The following BLTP1 variants were observed in gnomAD, a reference collection of about 807,000 sequenced individuals.
BLTP1 encodes fragile site-associated protein.
At chr4:122,197,759 AAAATGTT>A in the BLTP1 span, among the ~76,000 whole-genome samples, 2 of 152,270 alleles carry the variant, frequency 1.3e-5, 1 homozygote, top group South Asian at 4.1e-4. Flanking sequence ...TTTCATGTTA[AAAATGTT>A]AAAGTGTGTC....
the BLTP1 span, among the ~76,000 whole-genome samples, chr4:122,279,507 T>G: frequency 6.6e-6 from 1 of 152,138 alleles, no homozygotes; most frequent in African/African-American, 2.4e-5. Flanking sequence ...ATTCATGTTG[T>G]TTTGATGGGG....
chr4:122,362,471 G>A, the BLTP1 span: 1 of 347,894 alleles, frequency 2.9e-6, no homozygotes, highest in Non-Finnish European at 5.2e-6. Flanking sequence ...ATATATAACT[G>A]CTTGTTATGG....
At chr4:122,217,678 T>A in the BLTP1 span, among the ~76,000 whole-genome samples, 2 of 152,168 alleles carry the variant, frequency 1.3e-5, no homozygotes, top group African/African-American at 4.8e-5. Flanking sequence ...TTTAGTTTCC[T>A]TTTTTAAATG....
chr4:122,288,789 A>T, the BLTP1 span: 1 of 434,766 alleles, frequency 2.3e-6, no homozygotes, highest in Non-Finnish European at 3.1e-6. Context: ...GAGAAAATTT[A>T]ATTTCAAAAT....
At chr4:122,264,428 G>A in the BLTP1 span, 1 of 1,597,448 alleles carries the variant, frequency 6.3e-7, no homozygotes, top group Non-Finnish European at 8.5e-7. Flanking sequence ...TGATGCACAG[G>A]TGAGCCAGCC....
chr4:122,182,731 C>G, the BLTP1 span: 2 of 985,072 alleles, frequency 2.0e-6, no homozygotes, highest in African/African-American at 3.5e-5. Context: ...TATTTTTCCT[C>G]CATTCACATT....
chr4:122,236,669 A>C, the BLTP1 span: 1 of 682,276 alleles, frequency 1.5e-6, no homozygotes, highest in Non-Finnish European at 1.8e-6. Flanking sequence ...TTCAAAGATT[A>C]ACCATCACAA....
the BLTP1 span, among the ~76,000 whole-genome samples, chr4:122,212,855 T>C: frequency 1.3e-5 from 2 of 152,144 alleles, no homozygotes; most frequent in Non-Finnish European, 2.9e-5. Flanking sequence ...AGTGATGACA[T>C]TCATCTAATT....
the BLTP1 span, chr4:122,194,689 TA>T: frequency 4.6e-6 from 4 of 862,338 alleles, no homozygotes; most frequent in Non-Finnish European, 5.6e-6. Context: ...AGCACTTAAA[TA>T]AAGTGTGATT....
chr4:122,208,358 T>C, the BLTP1 span: 2 of 979,360 alleles, frequency 2.0e-6, no homozygotes, highest in Non-Finnish European at 2.4e-6. Flanking sequence ...TTTTAACCAC[T>C]CTACCTTGCT....
the BLTP1 span, chr4:122,288,609 G>A: frequency 6.3e-3 from 1,034 of 164,926 alleles, 11 homozygotes; most frequent in African/African-American, 0.024. Context: ...CCAAGATTGC[G>A]CCACTGCACT....
At chr4:122,183,511 G>T in the BLTP1 span, 2 of 985,010 alleles carry the variant, frequency 2.0e-6, no homozygotes, top group African/African-American at 3.5e-5. Flanking sequence ...TCCACAAGCT[G>T]CAATCAATAT....
At chr4:122,301,144 C>A in the BLTP1 span, 1 of 691,994 alleles carries the variant, frequency 1.4e-6, no homozygotes, top group Non-Finnish European at 1.8e-6. Context: ...CCCTATCTTT[C>A]ATATATCTGT....
the BLTP1 span, chr4:122,249,304 T>C: frequency 1.4e-6 from 1 of 690,646 alleles, no homozygotes; most frequent in East Asian, 1.3e-4. Flanking sequence ...AAAATCTTCT[T>C]TTCTTCCTCT....
the BLTP1 span, chr4:122,307,794 A>G: frequency 1.0e-6 from 1 of 985,076 alleles, no homozygotes. Flanking sequence ...TGGTGACTAT[A>G]TGTCCTCTTA....
At chr4:122,223,366 T>G in the BLTP1 span, among the ~76,000 whole-genome samples, 2 of 152,106 alleles carry the variant, frequency 1.3e-5, no homozygotes, top group African/African-American at 4.8e-5. Context: ...TGAGAAATAA[T>G]TTGCGAACTG....
At chr4:122,352,787 C>T in the BLTP1 span, 1 of 1,257,282 alleles carries the variant, frequency 8.0e-7, no homozygotes, top group Middle Eastern at 2.0e-4. Flanking sequence ...AGGCACTGGA[C>T]ACTGTTTTCA....
chr4:122,178,295 T>A, the BLTP1 span: 1 of 271,878 alleles, frequency 3.7e-6, no homozygotes, highest in African/African-American at 2.3e-5. Context: ...TAAGCAATAG[T>A]TTACTAATGA....
the BLTP1 span, chr4:122,299,884 C>T: frequency 1.0e-6 from 1 of 984,694 alleles, no homozygotes; most frequent in South Asian, 4.7e-5. Flanking sequence ...AATCTGTATG[C>T]TGTATATTTT....
Sources: gnomAD v4.1 joint callset for allele counts (sites outside exome capture counted in the v4.1 genomes callset) on GRCh38, gnomAD v4.1.1 for gene constraint, MANE v1.5 for transcripts, NCBI Gene and HGNC (gene_info 2026-07-23, HGNC 2026-07-21) for gene names.